The following ANXA13 variants were observed in gnomAD, a reference collection of about 807,000 sequenced individuals.
ANXA13 encodes annexin XIII.
ANXA13 carries 36 observed loss-of-function variants against 46.6 expected under a neutral mutation model. The ratio of observed to expected loss-of-function variants is 0.77; its 90% CI spans 0.59 to 1.02. The LOEUF is 1.02. Among genes scored for constraint, ANXA13 ranks in the 50% least tolerant of loss-of-function variants. The pLI is 0.00. For synonymous variants in ANXA13, 163 were observed against 152.9 expected (o/e 1.07, Z -0.49); for missense variants, 417 against 396.5 (o/e 1.05, Z -0.44).
At chr8:123,736,694 A>G (rs1345734934) in intron 1 of ANXA13, among the ~76,000 whole-genome samples, 1 of 152,190 alleles carries the variant, frequency 6.6e-6, no homozygotes, top group Non-Finnish European at 1.5e-5. Context: ...CAAATTTGCT[A>G]CAAACTAACA....
rs1814293670 is a variant in ANXA13, at chr8:123,737,331, C to T, written c.4G>A (p.Gly2Ser). 2 of 1,610,328 alleles carry T rather than the reference C, an allele frequency of 1.2e-6. No homozygotes were observed. Among genetic ancestry groups the T allele is most frequent in the Non-Finnish European group, 8.5e-7 (1 of 1,177,956 alleles). M[G>S]NRHAKASSPQ... ...CAATGAGTACTTACATGACGATTGC[C>T]CATTTTCCTTTTTCTGAGATGGTTT... is the stretch of plus-strand genomic sequence containing the variant. The change falls in exon 1 of 11, where the codon GGC becomes AGC. Residue 2 changes from glycine (G) to serine (S), a missense_variant. By Grantham distance (56) the Gly-to-Ser change is moderately conservative. Transcript: ENST00000419625.
chr8:123,719,395 T>C (rs1166722882), intron 1 of ANXA13, among the ~76,000 whole-genome samples: 1 of 152,220 alleles, frequency 6.6e-6, no homozygotes, highest in East Asian at 1.9e-4. Flanking sequence ...GTACTGAAAA[T>C]CTATTGTATG....
intron 8 of ANXA13, among the ~76,000 whole-genome samples, chr8:123,689,802 A>C (rs1198416642): frequency 6.6e-6 from 1 of 152,214 alleles, no homozygotes; most frequent in African/African-American, 2.4e-5. Flanking sequence ...AAACACTGAA[A>C]TTTCTTTCTT....
chr8:123,702,533 C>A, intron 3 of ANXA13, 109 bp downstream of exon 3: 2 of 846,410 alleles, frequency 2.4e-6, no homozygotes, highest in Non-Finnish European at 1.9e-6. Flanking sequence ...TCCTCCTGGG[C>A]TGACTCAATA....
intron 1 of ANXA13, chr8:123,727,567 G>T (rs1309399076): frequency 6.6e-6 from 1 of 151,912 alleles, no homozygotes; most frequent in East Asian, 1.9e-4. Context: ...GAGTATTACT[G>T]GAATATCTAG....
chr8:123,693,973 GGC>G (rs1349309133), intron 6 of ANXA13, among the ~76,000 whole-genome samples, 194 bp from the exon 7 acceptor site: 1 of 151,520 alleles, frequency 6.6e-6, no homozygotes, highest in Non-Finnish European at 1.5e-5. Flanking sequence ...GAGCTTCTGT[GGC>G]AACACTTGGT....
intron 8 of ANXA13, among the ~76,000 whole-genome samples, chr8:123,692,413 G>A (rs1475547867): frequency 2.0e-5 from 3 of 152,130 alleles, no homozygotes; most frequent in African/African-American, 7.2e-5. Context: ...ATATAAAATA[G>A]GATGCCAAAA....
intron 9 of ANXA13, 119 bp downstream of exon 9, chr8:123,688,752 G>T (rs1813182110): frequency 5.9e-6 from 5 of 852,352 alleles, no homozygotes; most frequent in Non-Finnish European, 2.0e-6. Context: ...GCTCAGTGCT[G>T]CTTAGACCTG....
At chr8:123,735,900 T>A in intron 1 of ANXA13, 3 of 1,577,518 alleles carry the variant, frequency 1.9e-6, no homozygotes, top group Non-Finnish European at 2.6e-6. Flanking sequence ...AAAAAATACA[T>A]AAAAATGCTG....
In ANXA13 at chr8:123,737,245, C is replaced by T. The variant is rs1814290752; in HGVS notation, c.15+75G>A. 3.7e-6 allele frequency: 5 copies of T among 1,367,196 alleles called. No homozygotes were observed. In the South Asian group the frequency reaches 6.0e-5, roughly 16 times the overall value. The allele number at this position is 1,367,196 out of a possible 1,614,324, so 84.7% of individuals were successfully genotyped here. A position where few individuals can be genotyped will look rare whatever the true frequency, so the allele number is the denominator to read the frequency against. On this transcript the variant is annotated intron_variant, in intron 1 of 10. Transcript: ENST00000419625. ...AGTGATAAAGTATACAAGTATCAGTCATGATTTTATAGTTTAAATTCTTCC... is the reference window on the plus strand; with the variant it reads ...AGTGATAAAGTATACAAGTATCAGTTATGATTTTATAGTTTAAATTCTTCC...
rs1813217569 is a variant in ANXA13, at chr8:123,690,684, G to A, written c.643-1738C>T. ...AGTAGAAAAACACATTATAAGGGTA[G>A]ATTCCAAACAAGTCTCTAAGACTCT... On this transcript the variant is annotated intron_variant, in intron 8 of 10. Transcript: ENST00000419625. This position sits in a 1 kb window ranked among gnomAD's most constrained non-coding sequence, Gnocchi z 4.6. Among the ~76,000 whole-genome samples, 1 of 152,238 alleles carries A rather than the reference G, an allele frequency of 6.6e-6. No individual in the cohort carries two copies. The highest frequency in any genetic ancestry group is 2.1e-4 in the South Asian group (1 of 4,834).
Position 123,681,071 on chromosome 8 carries a change from T to C in ANXA13, c.*169A>G. The C allele has an allele frequency of 1.2e-6, 1 of 865,134 alleles. No individual in the cohort carries two copies. The highest frequency in any genetic ancestry group is 1.7e-6 in the Non-Finnish European group (1 of 590,596). The allele number at this position is 865,134 out of a possible 1,614,324, so 53.6% of individuals were successfully genotyped here. ...GTGCCCTGCCCACGCATCTTAACGT[T>C]ACTGCCCTTAACTTACACAGCTTGG... On this transcript the variant is annotated 3_prime_UTR_variant, in exon 11 of 11. Coordinates refer to ENST00000419625, the MANE Select transcript of ANXA13 (RefSeq NM_004306.4).
intron 1 of ANXA13, among the ~76,000 whole-genome samples, chr8:123,719,532 A>G (rs1813822273): frequency 1.3e-5 from 2 of 152,210 alleles, no homozygotes; most frequent in Admixed American, 1.3e-4. Context: ...TTGGGTACAA[A>G]TAGCTGAGAG....
chr8:123,683,332 A>C (rs192100133), intron 10 of ANXA13, among the ~76,000 whole-genome samples: 152 of 152,218 alleles, frequency 1.0e-3, no homozygotes, highest in African/African-American at 3.3e-3. Context: ...ATTTAAAAAC[A>C]GTGTCAGATG....
At chr8:123,684,505 A>T in intron 10 of ANXA13, 105 bp downstream of exon 10, 1 of 758,290 alleles carries the variant, frequency 1.3e-6, no homozygotes, top group Non-Finnish European at 2.3e-6. Flanking sequence ...TCTCTGTTTT[A>T]CTTTTTCTGT....
At chr8:123,713,453 A>G (rs576707633) in intron 1 of ANXA13, among the ~76,000 whole-genome samples, 4 of 152,308 alleles carry the variant, frequency 2.6e-5, no homozygotes, top group Non-Finnish European at 5.9e-5. Context: ...TTTCTTTTAA[A>G]TTGACATTTG....
intron 1 of ANXA13, among the ~76,000 whole-genome samples, chr8:123,722,374 G>GAAAGAAAGAAAGAAAGAAAGAAAGAA (rs1554595371): frequency 2.7e-4 from 30 of 110,586 alleles, no homozygotes; most frequent in Middle Eastern, 4.5e-3. Flanking sequence ...AAGAAAGAAA[G>GAAAGAAAGAAAGAAAGAAAGAAAGAA]AAAGAAAGAA....
At chr8:123,684,525 C>A in intron 10 of ANXA13, 85 bp downstream of exon 10, 1 of 959,082 alleles carries the variant, frequency 1.0e-6, no homozygotes, top group Non-Finnish European at 1.7e-6. Flanking sequence ...TAAATAGGCC[C>A]TTAATAGAAA....
chr8:123,683,041 A>G (rs761460825), intron 10 of ANXA13, among the ~76,000 whole-genome samples: 16 of 152,060 alleles, frequency 1.1e-4, no homozygotes, highest in Admixed American at 4.6e-4. Flanking sequence ...AAGATCTCTC[A>G]TCTCTCAGTG....
Sources: gnomAD v4.1 joint callset for allele counts (sites outside exome capture counted in the v4.1 genomes callset) on GRCh38, gnomAD v4.1.1 for gene constraint, Gnocchi (gnomAD v3.1) non-coding constraint, MANE v1.5 for transcripts, NCBI Gene and HGNC (gene_info 2026-07-23, HGNC 2026-07-21) for gene names.